Variants in CIT observed in about 807,000 individuals in gnomAD.
CIT encodes citron Rho-interacting kinase.
A neutral mutation model predicts 272.7 loss-of-function variants in CIT; 79 were observed. The ratio of observed to expected loss-of-function variants is 0.29; its 90% CI spans 0.24 to 0.35. The LOEUF is 0.35. Ranked by LOEUF, CIT falls within the 10% of genes least tolerant of loss-of-function variation. CIT has a pLI of 1.00. For missense variants in CIT, 1,909 were observed against 2,618.3 expected (o/e 0.73, Z 5.91); for synonymous variants, 948 against 995.6 (o/e 0.95, Z 0.90).
Position 119,690,331 on chromosome 12 carries a change from G to T in CIT, c.6006C>A (p.Arg2002=), listed in dbSNP as rs777373767. 2 of 1,596,676 alleles carry T rather than the reference G, an allele frequency of 1.3e-6. No individual in the cohort carries two copies. Among genetic ancestry groups the T allele is most frequent in the East Asian group, 4.5e-5 (2 of 44,650 alleles). Residue 2002 remains arginine, a synonymous_variant, in exon 47 of 48, where the codon CGC becomes CGA. Transcript: ENST00000392521. This position sits in a 1 kb window ranked among gnomAD's most constrained non-coding sequence, Gnocchi z 6.0. The stretch of plus-strand genomic sequence containing the variant: ...CCCTGCGCAGCTCGGTCCGCCCCTC[G>T]CGGTAGCGGTGGGGTGTGCTTGGCT... The part of the protein sequence containing the change: ...PREPSTPHRY[R]EGRTELRRDK...
chr12:119,849,418 C>T (rs1235587853), intron 5 of CIT, among the ~76,000 whole-genome samples: 1 of 151,978 alleles, frequency 6.6e-6, no homozygotes, highest in Non-Finnish European at 1.5e-5. Flanking sequence ...CAAAGCGAGA[C>T]TCTGTCTCAA....
At position 119,698,011 on chromosome 12, in the gene CIT, G is replaced by A. The variant is rs773747883; in HGVS notation, c.5667C>T (p.Leu1889=). The change falls in exon 45 of 48, where the codon CTC becomes CTT. Residue 1889 remains leucine (L), a synonymous_variant. Transcript: ENST00000392521. ...PYLFVTHFNS[L]EVIEIQARSS... is the part of the protein sequence containing the mutation. ...AGCGTGCCTGGATCTCAATTACTTC[G>A]AGTGAGTTGAAGTGGGTCACAAACA... 42 of 1,614,148 alleles carry A rather than the reference G, an allele frequency of 2.6e-5. No individual in the cohort carries two copies. The highest frequency in any genetic ancestry group is 4.5e-5 in the East Asian group (2 of 44,892).
intron 5 of CIT, among the ~76,000 whole-genome samples, chr12:119,836,927 T>TGAA (rs1969059261): frequency 6.6e-6 from 1 of 152,186 alleles, no homozygotes; most frequent in Non-Finnish European, 1.5e-5. Flanking sequence ...AGATCCAACT[T>TGAA]CCTGAACTGA....
At chr12:119,802,846 G>A (rs1426430159) in intron 10 of CIT, among the ~76,000 whole-genome samples, 1 of 152,168 alleles carries the variant, frequency 6.6e-6, no homozygotes, top group African/African-American at 2.4e-5. Flanking sequence ...TGGTTAGATA[G>A]ATGGGCAGCT....
At chr12:119,790,058 C>A (rs1965180422) in intron 10 of CIT, among the ~76,000 whole-genome samples, 2 of 151,930 alleles carry the variant, frequency 1.3e-5, no homozygotes, top group African/African-American at 4.8e-5. Context: ...TTCTGACTTT[C>A]AAAGCAACAG....
In CIT at chr12:119,776,412, T is replaced by C. The variant is rs1963749809; in HGVS notation, c.1837-4A>G. The C allele has an allele frequency of 6.2e-7, 1 of 1,612,614 alleles. No homozygotes were observed. The highest frequency in any genetic ancestry group is 1.3e-5 in the African/African-American group (1 of 75,012). ...CAGGCTTCCCTTGATCCTTAGCCTG[T>C]AATTAAAAAGACACAACATATTGGG... On this transcript the variant is annotated splice_region_variant and splice_polypyrimidine_tract_variant and intron_variant, in intron 14 of 47. Transcript: ENST00000392521.
chr12:119,753,458 C>T (rs550877420), intron 22 of CIT, among the ~76,000 whole-genome samples: 40 of 152,154 alleles, frequency 2.6e-4, no homozygotes, highest in Non-Finnish European at 5.3e-4. Flanking sequence ...GACTCCCAGC[C>T]GGGTGCAATG....
rs1565889702 is a variant in CIT at position 119,690,555 on chromosome 12, C to CT, written c.5883-102dup. On this transcript the variant is annotated intron_variant, in intron 46 of 47. Transcript: ENST00000392521. This position sits in a 1 kb window ranked among gnomAD's most constrained non-coding sequence, Gnocchi z 6.0. ...CCCCCTCCTTGACCCAGCCTCACCA[C>CT]TGATTATCAAGAGATTAGACCTGGA... The CT allele has an allele frequency of 1.8e-6, 2 of 1,130,148 alleles. No individual in the cohort carries two copies. The highest frequency in any genetic ancestry group is 2.4e-6 in the Non-Finnish European group (2 of 822,798). 70.0% of individuals were successfully genotyped at this position (1,130,148 alleles called of 1,614,324 possible).
At position 119,713,271 on chromosome 12, in the gene CIT, C is replaced by A. The variant is rs760480694; in HGVS notation, c.4511G>T (p.Gly1504Val). The A allele has an allele frequency of 5.3e-5, 86 of 1,614,032 alleles. No homozygotes were observed. Among genetic ancestry groups the A allele is most frequent in the Non-Finnish European group, 6.9e-5 (82 of 1,180,012 alleles). The stretch of plus-strand genomic sequence containing the variant: ...CAGGACAATGTACTTCCTGTCCCAG[C>A]CTTGCTGTCCTCGTTTGTTATTCCT... Reference protein sequence around the residue: ...VPRNNKRGQQGWDRKYIVLEG... With the variant: ...VPRNNKRGQQVWDRKYIVLEG... Residue 1504 changes from glycine (G) to valine (V), a missense_variant, in exon 35 of 48, where the codon GGC becomes GTC. Around this residue, in one of 8 missense-constraint regions of CIT, gnomAD observed 780 missense variants for 1,067.2 expected, o/e 0.73. Transcript: ENST00000392521. The surrounding 1 kb of genome is among the most constrained non-coding windows in gnomAD (Gnocchi z 5.2).
intron 22 of CIT, among the ~76,000 whole-genome samples, chr12:119,753,597 T>G (rs1421930179): frequency 1.3e-5 from 2 of 151,772 alleles, no homozygotes; most frequent in African/African-American, 4.8e-5. Flanking sequence ...ATTAGCTGGG[T>G]GTGGTGGCAC....
chr12:119,804,736 G>T lies in CIT; in HGVS notation c.1112-1347C>A, dbSNP rs1237105583. Among the ~76,000 whole-genome samples, 3 of 152,230 alleles carry T rather than the reference G, an allele frequency of 2.0e-5. No homozygotes were observed. The highest frequency in any genetic ancestry group is 7.2e-5 in the African/African-American group (3 of 41,460). ...CTGGGAAGTAATTGGAGCAGGAAAG[G>T]GATGTGGAGGGGAGAGGAGATGAAG... On this transcript the variant is annotated intron_variant, in intron 9 of 47. Transcript: ENST00000392521. The surrounding 1 kb of genome is among the most constrained non-coding windows in gnomAD (Gnocchi z 5.3).
chr12:119,731,840 A>ATATATATATATAT, intron 26 of CIT, among the ~76,000 whole-genome samples: 1 of 87,972 alleles, frequency 1.1e-5, no homozygotes, highest in African/African-American at 4.2e-5. Context: ...ATATATATAT[A>ATATATATATATAT]CTTTTTTTTT....
Position 119,728,473 on chromosome 12 carries a change from G to A in CIT, c.3591+29C>T. The stretch of plus-strand genomic sequence containing the variant: ...ATTAAAAGAAAAAAAAAATCCACTT[G>A]GCCCTTCTCCCAGGTATTTCACACT... On this transcript the variant is annotated intron_variant, in intron 28 of 47. Coordinates refer to ENST00000392521, the MANE Select transcript of CIT (RefSeq NM_001206999.2). This position sits in a 1 kb window ranked among gnomAD's most constrained non-coding sequence, Gnocchi z 4.3. 7.0e-7 allele frequency: 1 copy of A among 1,421,536 alleles called. No homozygotes were observed. 88.1% of individuals were successfully genotyped at this position (1,421,536 alleles called of 1,614,324 possible). A position where few individuals can be genotyped will look rare whatever the true frequency, so the allele number is the denominator to read the frequency against.
At chr12:119,737,137 C>T (rs997728044) in intron 24 of CIT, among the ~76,000 whole-genome samples, 3 of 151,904 alleles carry the variant, frequency 2.0e-5, no homozygotes, top group African/African-American at 7.3e-5. Context: ...GAAACCCCGT[C>T]TCTACTAAAA....
intron 26 of CIT, among the ~76,000 whole-genome samples, chr12:119,731,840 A>G (rs1306849480): frequency 2.3e-5 from 2 of 87,964 alleles, no homozygotes; most frequent in African/African-American, 4.2e-5. Flanking sequence ...ATATATATAT[A>G]CTTTTTTTTT....
At chr12:119,702,456 C>T (rs1352760884) in intron 41 of CIT, among the ~76,000 whole-genome samples, 2 of 152,086 alleles carry the variant, frequency 1.3e-5, no homozygotes, top group African/African-American at 4.8e-5. Context: ...GAGGCTGAGG[C>T]AGGTGGATCA....
intron 26 of CIT, among the ~76,000 whole-genome samples, chr12:119,733,543 AC>A (rs1400906132): frequency 0.012 from 1,737 of 144,426 alleles, 40 homozygotes; most frequent in African/African-American, 0.044. Context: ...AAAAAAAAAA[AC>A]AAAAAAAACC....
intron 4 of CIT, among the ~76,000 whole-genome samples, chr12:119,855,376 TCGCACCAC>T (rs1314743604): frequency 6.6e-6 from 1 of 152,046 alleles, no homozygotes; most frequent in Non-Finnish European, 1.5e-5. Context: ...TGAGCTGAGA[TCGCACCAC>T]TGCACTCCAG....
At position 119,803,235 on chromosome 12, in the gene CIT, G is replaced by A; in HGVS notation, c.1266C>T (p.Ser422=). Residue 422 remains serine, a synonymous_variant, in exon 10 of 48, where the codon AGC becomes AGT. Coordinates refer to ENST00000392521, the MANE Select transcript of CIT (RefSeq NM_001206999.2). ...EELPFVGFSY[S]KALGILGRSE... ...ATCTACCAAGAATCCCCAGTGCCTT[G>A]CTGTACGAAAACCCCACAAACGGCA... is the stretch of plus-strand genomic sequence containing the variant. 1 of 1,588,634 alleles carries A rather than the reference G, an allele frequency of 6.3e-7. No individual in the cohort carries two copies. The highest frequency in any genetic ancestry group is 8.5e-7 in the Non-Finnish European group (1 of 1,170,424).
Sources: allele counts gnomAD v4.1 joint callset (sites outside exome capture counted in the v4.1 genomes callset), GRCh38; gene constraint gnomAD v4.1.1; regional missense constraint gnomAD v4.1.1; non-coding constraint Gnocchi (gnomAD v3.1); transcripts MANE v1.5; gene names NCBI Gene and HGNC (gene_info 2026-07-23, HGNC 2026-07-21).